Variants in SOX6 observed in about 807,000 individuals in gnomAD.
The protein encoded by SOX6 is SRY-box transcription factor 6, also known as transcription factor SOX-6.
SOX6 carries 11 observed loss-of-function variants against 97.8 expected under a neutral mutation model. The ratio of observed to expected loss-of-function variants is 0.11; its 90% CI spans 0.07 to 0.19. SOX6 has a LOEUF of 0.19. Among genes scored for constraint, SOX6 ranks in the 10% least tolerant of loss-of-function variants. The pLI is 1.00. For synonymous variants in SOX6, 360 were observed against 371.4 expected (o/e 0.97, Z 0.35); for missense variants, 810 against 1,039.5 (o/e 0.78, Z 3.04).
chr11:15,978,157 A>G (rs546697926), intron 15 of SOX6, among the ~76,000 whole-genome samples: 1 of 152,192 alleles, frequency 6.6e-6, no homozygotes, highest in Non-Finnish European at 1.5e-5. Flanking sequence ...CACTCATACC[A>G]TAAAAAACAA....
chr11:16,545,209 G>A (rs1847603736), intron 4 of SOX6, among the ~76,000 whole-genome samples: 1 of 151,854 alleles, frequency 6.6e-6, no homozygotes, highest in Middle Eastern at 3.2e-3. Flanking sequence ...AAATGAATAG[G>A]CCATATAGTC....
intron 1 of SOX6, among the ~76,000 whole-genome samples, chr11:16,379,770 TG>T (rs1255671056): frequency 5.1e-4 from 77 of 152,206 alleles, no homozygotes; most frequent in African/African-American, 1.8e-3. Flanking sequence ...ATTACAGATG[TG>T]TGCAAAGATT....
intron 1 of SOX6, among the ~76,000 whole-genome samples, chr11:16,440,384 G>T (rs370726327): frequency 1.1e-4 from 17 of 152,268 alleles, no homozygotes; most frequent in Admixed American, 2.6e-4. Flanking sequence ...AATTTCTAGC[G>T]CAGCCCACAC....
At chr11:16,609,665 T>C (rs1428444730) in intron 4 of SOX6, among the ~76,000 whole-genome samples, 3 of 152,216 alleles carry the variant, frequency 2.0e-5, no homozygotes, top group East Asian at 3.8e-4. Flanking sequence ...GTCGATCATA[T>C]ACTGCCTTTT....
At chr11:16,495,791 C>T (rs1301386437) in intron 4 of SOX6, among the ~76,000 whole-genome samples, 2 of 152,174 alleles carry the variant, frequency 1.3e-5, no homozygotes, top group African/African-American at 2.4e-5. Context: ...CACCTAGATC[C>T]ACTAACACCA....
intron 3 of SOX6, among the ~76,000 whole-genome samples, chr11:16,713,007 C>T (rs1185476407): frequency 6.6e-6 from 1 of 152,118 alleles, no homozygotes; most frequent in East Asian, 1.9e-4. Flanking sequence ...ATCTAGCCGA[C>T]CCTCTTCTTT....
chr11:16,276,220 A>C (rs1854395580), intron 3 of SOX6, among the ~76,000 whole-genome samples: 1 of 152,200 alleles, frequency 6.6e-6, no homozygotes, highest in South Asian at 2.1e-4. Context: ...ATGACTTCTC[A>C]GATTTGCAAA....
rs1467036365 is a variant in SOX6 at position 16,402,866 on chromosome 11, C to A, written c.-4-61614G>T. On this transcript the variant is annotated intron_variant, in intron 1 of 15. Coordinates refer to the SOX6 transcript ENST00000396356. ...TATCCCCAATGGTCTCTCCTAACAA[C>A]TAAAACTACACTCAGTTGGGCTGAA... 17 of 1,536,028 alleles carry A rather than the reference C, an allele frequency of 1.1e-5. No homozygotes were observed. The Admixed American group carries it at 3.4e-4, about 30-fold the overall frequency.
intron 6 of SOX6, among the ~76,000 whole-genome samples, chr11:16,155,413 T>C (rs1371278149): frequency 2.6e-5 from 4 of 152,178 alleles, no homozygotes; most frequent in African/African-American, 7.2e-5. Context: ...ATTCAATGGA[T>C]TGAGGTATCT....
chr11:16,253,498 C>T (rs1185503610), intron 3 of SOX6, among the ~76,000 whole-genome samples: 2 of 151,924 alleles, frequency 1.3e-5, no homozygotes, highest in African/African-American at 4.8e-5. Flanking sequence ...TATGCAGACA[C>T]AGGTGCATAA....
chr11:16,369,717 G>A (rs533930829), intron 1 of SOX6, among the ~76,000 whole-genome samples: 8 of 152,242 alleles, frequency 5.3e-5, no homozygotes, highest in Non-Finnish European at 1.0e-4. Flanking sequence ...AACATTCACA[G>A]TGTATATGCC....
Position 15,967,454 on chromosome 11 carries a change from C to T in SOX6, c.*5355G>A, listed in dbSNP as rs1365523085. The T allele has an allele frequency of 3.9e-5, 6 of 152,090 alleles. No individual in the cohort carries two copies. The highest frequency in any genetic ancestry group is 2.0e-4 in the Admixed American group (3 of 15,262). 9.4% of individuals were successfully genotyped at this position (152,090 alleles called of 1,614,324 possible). A position where few individuals can be genotyped will look rare whatever the true frequency, so the allele number is the denominator to read the frequency against. ...AATATACATCACAAACAAATTACAA[C>T]GTCGGGGGAAATAAAAGAGTTACAG... is the stretch of plus-strand genomic sequence containing the variant. On this transcript the variant is annotated 3_prime_UTR_variant, in exon 16 of 16. Coordinates refer to ENST00000683767, the MANE Select transcript of SOX6 (RefSeq NM_001367873.1).
At chr11:16,736,228 T>C (rs1307940665) in intron 2 of SOX6, 3 of 152,244 alleles carry the variant, frequency 2.0e-5, no homozygotes, top group Admixed American at 1.3e-4. Context: ...AGGTATTTCA[T>C]TGTTTCACTC....
At chr11:16,332,614 G>T (rs150010560) in intron 2 of SOX6, among the ~76,000 whole-genome samples, 2 of 152,154 alleles carry the variant, frequency 1.3e-5, no homozygotes, top group East Asian at 3.9e-4. Context: ...TAAATGAAAT[G>T]CATAAATATT....
chr11:16,517,674 A>C (rs1860994675), intron 4 of SOX6, among the ~76,000 whole-genome samples: 1 of 152,180 alleles, frequency 6.6e-6, no homozygotes, highest in Admixed American at 6.5e-5. Flanking sequence ...ACCCATGGCC[A>C]CATCAGATAC....
At chr11:16,513,611 C>A (rs564245412) in intron 4 of SOX6, among the ~76,000 whole-genome samples, 2 of 152,052 alleles carry the variant, frequency 1.3e-5, no homozygotes, top group Non-Finnish European at 2.9e-5. Context: ...CCAGCCTGGG[C>A]GACAGAGCAA....
chr11:16,554,891 G>A (rs34793179), intron 4 of SOX6, among the ~76,000 whole-genome samples: 22,622 of 151,850 alleles, frequency 0.15, 1,762 homozygotes, highest in Non-Finnish European at 0.16. Context: ...TTACAAATCA[G>A]TTGTTTTGCA....
chr11:16,524,856 T>A lies in SOX6; in HGVS notation n.610-48468A>T, dbSNP rs1443442573. ...CCAATAACAGACAAACAGAGAGCCA[T>A]ATCATGAGTGAACTCCCATTCACAA... On this transcript the variant is annotated intron_variant and non_coding_transcript_variant, in intron 4 of 5. Coordinates refer to the SOX6 transcript ENST00000524520. Among the ~76,000 whole-genome samples, 6 of 152,078 alleles carry A rather than the reference T, an allele frequency of 3.9e-5. 1 individual carries two copies. In the South Asian group the frequency reaches 6.2e-4, roughly 16 times the overall value.
intron 1 of SOX6, among the ~76,000 whole-genome samples, chr11:16,428,085 G>C (rs186161620): frequency 6.6e-6 from 1 of 152,214 alleles, no homozygotes; most frequent in Admixed American, 6.5e-5. Context: ...GGCCAGTGAT[G>C]ATGAGCATTT....
Sources: allele counts gnomAD v4.1 joint callset (sites outside exome capture counted in the v4.1 genomes callset), GRCh38; gene constraint gnomAD v4.1.1; transcripts MANE v1.5; gene names NCBI Gene and HGNC (gene_info 2026-07-23, HGNC 2026-07-21).